Variants in CLIP4 observed in about 807,000 individuals in gnomAD.
The protein encoded by CLIP4 is CAP-Gly domain containing linker protein family member 4, also known as CAP-Gly domain-containing linker protein 4.
A neutral mutation model predicts 73.1 loss-of-function variants in CLIP4; 47 were observed. The observed-to-expected ratio is 0.64, with a 90% CI of 0.51 to 0.82. The LOEUF is 0.82. Among genes scored for constraint, CLIP4 ranks in the 40% least tolerant of loss-of-function variants. The pLI, the probability that CLIP4 is intolerant of heterozygous loss-of-function variation, is 0.00. For synonymous variants in CLIP4, 306 were observed against 295.4 expected (o/e 1.04, Z -0.37); for missense variants, 874 against 852.9 (o/e 1.02, Z -0.31).
intron 2 of CLIP4, among the ~76,000 whole-genome samples, chr2:29,127,639 T>C (rs1297062857): frequency 6.6e-6 from 1 of 152,126 alleles, no homozygotes; most frequent in Admixed American, 6.5e-5. Context: ...AGCAGCCTCA[T>C]GAATCCATTG....
chr2:29,170,739 T>G (rs989403007), intron 14 of CLIP4, among the ~76,000 whole-genome samples: 1 of 152,210 alleles, frequency 6.6e-6, no homozygotes, highest in East Asian at 1.9e-4. Context: ...TTGTGTCTTA[T>G]AAGATCTATG....
intron 14 of CLIP4, 66 bp from the exon 15 acceptor site, chr2:29,174,307 A>G: frequency 1.6e-6 from 2 of 1,278,888 alleles, no homozygotes; most frequent in South Asian, 1.3e-5. Flanking sequence ...AAGTGATAAA[A>G]TATCATTTTA....
At chr2:29,145,425 C>A in intron 8 of CLIP4, 58 bp downstream of exon 8, 2 of 1,393,696 alleles carry the variant, frequency 1.4e-6, no homozygotes, top group Non-Finnish European at 9.9e-7. Context: ...AAGTTTTACT[C>A]TTTTACAGTT....
chr2:29,176,779 C>T (rs1668370211), intron 15 of CLIP4, among the ~76,000 whole-genome samples: 1 of 152,224 alleles, frequency 6.6e-6, no homozygotes, highest in African/African-American at 2.4e-5. Context: ...CATGTTACCA[C>T]CAGGGCCTGC....
intron 6 of CLIP4, among the ~76,000 whole-genome samples, chr2:29,142,193 T>A (rs1665818793): frequency 6.6e-6 from 1 of 152,172 alleles, no homozygotes; most frequent in Non-Finnish European, 1.5e-5. Context: ...AGGTCCAGTC[T>A]GGTGGTATGC....
intron 1 of CLIP4, among the ~76,000 whole-genome samples, chr2:29,118,796 A>G (rs556086038): frequency 6.6e-6 from 1 of 152,286 alleles, no homozygotes; most frequent in African/African-American, 2.4e-5. Flanking sequence ...CTGGGATTAC[A>G]GGTGTGAGCC....
At chr2:29,148,159 ATGGGTATAGCCCTTGACAGCCC>A (rs1666296075) in intron 8 of CLIP4, among the ~76,000 whole-genome samples, 2 of 152,272 alleles carry the variant, frequency 1.3e-5, no homozygotes, top group South Asian at 4.1e-4. Context: ...TTGTGTGAAA[ATGGGTATAGCCCTTGACAGCCC>A]TGGGAGCCCC....
intron 14 of CLIP4, among the ~76,000 whole-genome samples, chr2:29,168,337 T>G (rs948848388): frequency 1.3e-5 from 2 of 152,078 alleles, no homozygotes; most frequent in Non-Finnish European, 2.9e-5. Flanking sequence ...TCTTATTAAT[T>G]TGTAGGCTTC....
intron 6 of CLIP4, 34 bp from the exon 7 acceptor site, chr2:29,143,675 G>A: frequency 7.2e-7 from 1 of 1,381,764 alleles, no homozygotes; most frequent in Non-Finnish European, 1.0e-6. Context: ...CTCTAAGTAA[G>A]AGTTGAACAT....
intron 9 of CLIP4, among the ~76,000 whole-genome samples, chr2:29,153,158 T>TG (rs1666690962): frequency 6.6e-6 from 1 of 152,142 alleles, no homozygotes; most frequent in Non-Finnish European, 1.5e-5. Flanking sequence ...GGATGTTTAG[T>TG]GACTTCTTTT....
chr2:29,173,210 G>A (rs1393896093), intron 14 of CLIP4, among the ~76,000 whole-genome samples: 2 of 152,154 alleles, frequency 1.3e-5, no homozygotes, highest in Non-Finnish European at 2.9e-5. Flanking sequence ...TTAATTTATA[G>A]TCTCTGCAAC....
chr2:29,144,209 G>A (rs1313669642), intron 7 of CLIP4, among the ~76,000 whole-genome samples: 1 of 152,158 alleles, frequency 6.6e-6, no homozygotes, highest in Non-Finnish European at 1.5e-5. Flanking sequence ...GAATTTAGAA[G>A]CATGAGCTAA....
At position 29,182,143 on chromosome 2, in the gene CLIP4, A is replaced by T; in HGVS notation, c.*250A>T. ...CTTTAGGTTCCAAGAAGATTCTGGGACTCAGGAAGAAAAAGTGCCATCAGG... is the reference window on the plus strand; with the variant it reads ...CTTTAGGTTCCAAGAAGATTCTGGGTCTCAGGAAGAAAAAGTGCCATCAGG... On this transcript the variant is annotated 3_prime_UTR_variant, in exon 16 of 16. Coordinates refer to ENST00000320081, the MANE Select transcript of CLIP4 (RefSeq NM_024692.6). The T allele has an allele frequency of 3.4e-6, 1 of 295,494 alleles. No homozygotes were observed. The highest frequency in any genetic ancestry group is 6.2e-6 in the Non-Finnish European group (1 of 161,856). 18.3% of individuals were successfully genotyped at this position (295,494 alleles called of 1,614,324 possible).
chr2:29,132,346 T>G (rs978372767), intron 4 of CLIP4, 101 bp downstream of exon 4: 1 of 901,550 alleles, frequency 1.1e-6, no homozygotes, highest in Admixed American at 2.0e-5. Flanking sequence ...GGCACCCAGC[T>G]GATGATGATA....
chr2:29,131,901 T>C, intron 3 of CLIP4: 1 of 442,634 alleles, frequency 2.3e-6, no homozygotes, highest in Non-Finnish European at 4.0e-6. Context: ...GAGAGGAACA[T>C]ATTTGGAGTG....
chr2:29,152,202 T>C (rs1262150583), intron 8 of CLIP4, among the ~76,000 whole-genome samples: 1 of 152,218 alleles, frequency 6.6e-6, no homozygotes, highest in Non-Finnish European at 1.5e-5. Flanking sequence ...GGGATAAATA[T>C]AACTTCCAAA....
At chr2:29,121,821 T>A (rs1664268033) in intron 2 of CLIP4, among the ~76,000 whole-genome samples, 1 of 152,192 alleles carries the variant, frequency 6.6e-6, no homozygotes, top group Admixed American at 6.5e-5. Context: ...CTTCTGCTAT[T>A]GATGTATTTA....
At chr2:29,149,050 G>A (rs1460840158) in intron 8 of CLIP4, among the ~76,000 whole-genome samples, 2 of 152,162 alleles carry the variant, frequency 1.3e-5, no homozygotes, top group Non-Finnish European at 2.9e-5. Flanking sequence ...TCTGTAAGGG[G>A]CCGCATGGTA....
rs1179231188 is a variant in CLIP4, at chr2:29,115,443, G to C, written c.-238G>C. On this transcript the variant is annotated 5_prime_UTR_variant, in exon 1 of 16. Transcript: ENST00000320081. This position sits in a 1 kb window ranked among gnomAD's most constrained non-coding sequence, Gnocchi z 5.1. ...CCCACCGAGTCCCCAGCGCGTGCGC[G>C]GGGCCGTGGCCGAGGCCTGCGCGCC... The C allele has an allele frequency of 6.7e-6, 1 of 149,894 alleles. No individual in the cohort carries two copies. The highest frequency in any genetic ancestry group is 6.6e-5 in the Admixed American group (1 of 15,050). The allele number at this position is 149,894 out of a possible 1,614,324, so 9.3% of individuals were successfully genotyped here. A position where few individuals can be genotyped will look rare whatever the true frequency, so the allele number is the denominator to read the frequency against.
Sources: allele counts gnomAD v4.1 joint callset (sites outside exome capture counted in the v4.1 genomes callset), GRCh38; gene constraint gnomAD v4.1.1; non-coding constraint Gnocchi (gnomAD v3.1); transcripts MANE v1.5; gene names NCBI Gene and HGNC (gene_info 2026-07-23, HGNC 2026-07-21).